Variants in CAMTA1 observed in about 807,000 individuals in gnomAD.
CAMTA1 encodes the protein calmodulin-binding transcription activator 1.
In CAMTA1, 27 loss-of-function variants were observed where a neutral mutation model predicts 170.9. The ratio of observed to expected loss-of-function variants is 0.16; its 90% confidence interval spans 0.12 to 0.22. The LOEUF is 0.22. CAMTA1 is among the 10% of genes least tolerant of loss of function. The pLI is 1.00. For missense variants in CAMTA1, 1,619 were observed against 2,217.2 expected (o/e 0.73, Z 5.42); for synonymous variants, 833 against 891.5 (o/e 0.93, Z 1.17).
At chr1:7,288,883 T>A (rs2001142) in intron 5 of CAMTA1, among the ~76,000 whole-genome samples, 4 of 152,064 alleles carry the variant, frequency 2.6e-5, no homozygotes, top group African/African-American at 9.7e-5. Context: ...TCTGTTCTTG[T>A]ATTACTACAG....
intron 3 of CAMTA1, among the ~76,000 whole-genome samples, chr1:6,874,632 A>G (rs1418356557): frequency 6.6e-6 from 1 of 152,234 alleles, no homozygotes; most frequent in East Asian, 1.9e-4. Flanking sequence ...ATGGTAATTA[A>G]GCTCCTCTAA....
intron 3 of CAMTA1, among the ~76,000 whole-genome samples, chr1:7,085,757 C>T (rs565457830): frequency 1.3e-5 from 2 of 152,240 alleles, no homozygotes; most frequent in Non-Finnish European, 2.9e-5. Flanking sequence ...CCGTGACCCT[C>T]CAGCCCTGCT....
intron 5 of CAMTA1, among the ~76,000 whole-genome samples, chr1:7,270,293 T>A (rs201071381): frequency 0.37 from 28,299 of 76,162 alleles, 3,379 homozygotes; most frequent in Admixed American, 0.47. Flanking sequence ...ATATATATAT[T>A]TTTTTTTTTT....
chr1:7,598,645 G>T (rs1454193334), intron 6 of CAMTA1, among the ~76,000 whole-genome samples: 1 of 152,166 alleles, frequency 6.6e-6, no homozygotes, highest in East Asian at 1.9e-4. Context: ...GTGTGAGATG[G>T]TATCTCATTG....
At position 7,640,501 on chromosome 1, in the gene CAMTA1, G is replaced by A. The variant is rs192113113; in HGVS notation, c.612G>A (p.Lys204=). 48 of 1,614,220 alleles carry A rather than the reference G, an allele frequency of 3.0e-5. No homozygotes were observed. In the Middle Eastern group the frequency reaches 8.2e-4, roughly 28 times the overall value. Residue 204 remains lysine (K), a synonymous_variant, in exon 7 of 23, where the codon AAG becomes AAA. Coordinates refer to ENST00000303635, the MANE Select transcript of CAMTA1 (RefSeq NM_015215.4). The part of the protein sequence containing the change: ...PILCSINTDK[K]EWAKWTKEEL... ...TCTGCTCCATCAACACCGACAAGAA[G>A]GAGTGGGCGAAATGGACGAAAGAAG...
At chr1:7,020,179 A>G (rs771461160) in intron 3 of CAMTA1, among the ~76,000 whole-genome samples, 1 of 152,260 alleles carries the variant, frequency 6.6e-6, no homozygotes, top group African/African-American at 2.4e-5. Flanking sequence ...CTAAAAGTAG[A>G]TTCCAAAATA....
At chr1:7,655,975 T>G (rs1258529246) in intron 7 of CAMTA1, among the ~76,000 whole-genome samples, 1 of 152,124 alleles carries the variant, frequency 6.6e-6, no homozygotes, top group Non-Finnish European at 1.5e-5. Context: ...TGGGGCCCCA[T>G]GGGAGGGATT....
chr1:7,674,436 A>T lies in CAMTA1; in HGVS notation c.2780-3163A>T, dbSNP rs760532407. On this transcript the variant is annotated intron_variant, in intron 10 of 22. Transcript: ENST00000303635. This position sits in a 1 kb window ranked among gnomAD's most constrained non-coding sequence, Gnocchi z 4.1. ...CCACCAAGAAGACTCTACTGGCCAG[A>T]GAGCCCTACTCTGGATTCCTAAGAG... Among the ~76,000 whole-genome samples the T allele has an allele frequency of 6.6e-6, 1 of 152,186 alleles. No individual in the cohort carries two copies. Among genetic ancestry groups the T allele is most frequent in the Non-Finnish European group, 1.5e-5 (1 of 68,046 alleles).
At chr1:6,907,962 C>G (rs553145925) in intron 3 of CAMTA1, among the ~76,000 whole-genome samples, 2 of 152,170 alleles carry the variant, frequency 1.3e-5, no homozygotes, top group African/African-American at 2.4e-5. Flanking sequence ...GTCTGCCTTC[C>G]GGCTCCCTCG....
rs145183782 is a variant in CAMTA1 at position 7,643,744 on chromosome 1, A to G, written c.664+3191A>G. ...CTCTCTGGTGTCTTGGGCTGGGGGA[A>G]GCAGAGCCGCACACAATTCCTTGGC... On this transcript the variant is annotated intron_variant, in intron 7 of 22. Transcript: ENST00000303635. 2.0e-4 allele frequency among the ~76,000 whole-genome samples: 30 copies of G among 152,376 alleles called. 2 individuals are homozygous for G. In the East Asian group the frequency reaches 5.2e-3, roughly 26 times the overall value.
At chr1:7,631,280 C>T (rs923065263) in intron 6 of CAMTA1, among the ~76,000 whole-genome samples, 1 of 152,200 alleles carries the variant, frequency 6.6e-6, no homozygotes, top group Non-Finnish European at 1.5e-5. Flanking sequence ...ATGAACTGGG[C>T]TGCTGCCACC....
rs984405311 is a variant in CAMTA1, at chr1:7,234,475, C to T, written c.303-15016C>T. Among the ~76,000 whole-genome samples the T allele has an allele frequency of 2.6e-5, 4 of 152,204 alleles. No homozygotes were observed. The highest frequency in any genetic ancestry group is 4.1e-4 in the South Asian group (2 of 4,834). The stretch of plus-strand genomic sequence containing the variant: ...GTGCGTCATTGTTCTTCCTCCCTAC[C>T]GGACTGCAAGCTGTGCAGAGGCAGG... On this transcript the variant is annotated intron_variant, in intron 4 of 22. Transcript: ENST00000303635. This position sits in a 1 kb window ranked among gnomAD's most constrained non-coding sequence, Gnocchi z 5.0.
intron 4 of CAMTA1, among the ~76,000 whole-genome samples, chr1:7,209,032 AC>A (rs2149057767): frequency 6.6e-6 from 1 of 152,258 alleles, no homozygotes; most frequent in South Asian, 2.1e-4. Flanking sequence ...ATAGCCTTTA[AC>A]CATGATTCAA....
intron 7 of CAMTA1, among the ~76,000 whole-genome samples, chr1:7,660,624 C>G (rs1167816930): frequency 6.6e-6 from 1 of 152,226 alleles, no homozygotes; most frequent in East Asian, 1.9e-4. Flanking sequence ...CTCCTTGTCC[C>G]CCTACCTTCT....
At chr1:7,679,217 G>A (rs1286916188) in intron 11 of CAMTA1, among the ~76,000 whole-genome samples, 1 of 152,238 alleles carries the variant, frequency 6.6e-6, no homozygotes, top group East Asian at 1.9e-4. Context: ...AACAAATGGG[G>A]AATGGAGTCA....
intron 1 of CAMTA1, among the ~76,000 whole-genome samples, chr1:6,819,155 C>T (rs1646187657): frequency 6.6e-6 from 1 of 152,036 alleles, no homozygotes; most frequent in Non-Finnish European, 1.5e-5. Context: ...GGTTGTTGAA[C>T]TTGTAAACTA....
chr1:7,359,950 G>T (rs1473097311), intron 5 of CAMTA1, among the ~76,000 whole-genome samples: 1 of 152,122 alleles, frequency 6.6e-6, no homozygotes, highest in Non-Finnish European at 1.5e-5. Context: ...CAAGGTGTGG[G>T]CAGGGCTGGT....
At chr1:7,477,256 G>T (rs2093435584) in intron 6 of CAMTA1, among the ~76,000 whole-genome samples, 1 of 152,156 alleles carries the variant, frequency 6.6e-6, no homozygotes, top group Non-Finnish European at 1.5e-5. Context: ...CCCTCCTGCA[G>T]CTGGGGAGGG....
chr1:7,104,131 CTA>C (rs1643288104), intron 4 of CAMTA1, among the ~76,000 whole-genome samples: 1 of 83,852 alleles, frequency 1.2e-5, no homozygotes. Context: ...ACACACATAA[CTA>C]CACACGTACA....
Sources: gnomAD v4.1 joint callset for allele counts (sites outside exome capture counted in the v4.1 genomes callset) on GRCh38, gnomAD v4.1.1 for gene constraint, Gnocchi (gnomAD v3.1) non-coding constraint, MANE v1.5 for transcripts, NCBI Gene and HGNC (gene_info 2026-07-23, HGNC 2026-07-21) for gene names.